Variants in PGM1 observed in about 807,000 individuals in gnomAD.
PGM1 encodes phosphoglucomutase 1.
PGM1 carries 52 observed loss-of-function variants against 55.6 expected under a neutral mutation model. That is an observed-to-expected ratio of 0.94 (90% CI 0.75 to 1.18). PGM1 has a LOEUF of 1.18. Among genes scored for constraint, PGM1 ranks in the 50% most tolerant of loss-of-function variants. The pLI is 0.00. For missense variants in PGM1, 724 were observed against 729.3 expected (o/e 0.99, Z 0.08); for synonymous variants, 287 against 271.7 (o/e 1.06, Z -0.55).
chr1:63,657,838 A>G (rs1650006652), intron 10 of PGM1, among the ~76,000 whole-genome samples: 1 of 152,258 alleles, frequency 6.6e-6, no homozygotes, highest in South Asian at 2.1e-4. Context: ...AGGCATCCCT[A>G]AAACTTCAAC....
At chr1:63,605,267 C>T (rs1013277682) in intron 1 of PGM1, among the ~76,000 whole-genome samples, 1 of 152,152 alleles carries the variant, frequency 6.6e-6, no homozygotes, top group African/African-American at 2.4e-5. Flanking sequence ...CTTTTGCAGG[C>T]CAGGCTCCTG....
At chr1:63,631,546 T>C (rs1046626900) in intron 3 of PGM1, 111 bp from the exon 4 acceptor site, 66 of 974,850 alleles carry the variant, frequency 6.8e-5, no homozygotes, top group Non-Finnish European at 1.0e-4. Context: ...TGTTCAATAA[T>C]TGTCCTTTTA....
chr1:63,622,787 A>T (rs964076094), intron 1 of PGM1, among the ~76,000 whole-genome samples: 2 of 152,168 alleles, frequency 1.3e-5, no homozygotes, highest in South Asian at 2.1e-4. Context: ...TTTTTTCCTG[A>T]TAGATTGCAT....
In PGM1 at chr1:63,631,577, C is replaced by T. The variant is rs935487003; in HGVS notation, c.557-80C>T. On this transcript the variant is annotated intron_variant, in intron 3 of 10. Transcript: ENST00000371084. ...TTTTAAAATAGCAATAGCAGGTTTA[C>T]AGCAATATAGTCACATCAGAATATA... 2.9e-6 allele frequency: 4 copies of T among 1,363,628 alleles called. No individual in the cohort carries two copies. The African/African-American group carries it at 5.7e-5, about 19-fold the overall frequency. The allele number at this position is 1,363,628 out of a possible 1,614,324, so 84.5% of individuals were successfully genotyped here. A position where few individuals can be genotyped will look rare whatever the true frequency, so the allele number is the denominator to read the frequency against.
intron 1 of PGM1, among the ~76,000 whole-genome samples, chr1:63,614,233 AT>A (rs1347719960): frequency 6.6e-6 from 1 of 152,220 alleles, no homozygotes; most frequent in East Asian, 1.9e-4. Context: ...TTCGCCCAAG[AT>A]CTCCAAGATA....
chr1:63,653,663 GA>G (rs1336465037), intron 9 of PGM1, among the ~76,000 whole-genome samples: 1 of 152,168 alleles, frequency 6.6e-6, no homozygotes. Flanking sequence ...CCCCAAGTGA[GA>G]AGATAATTGA....
chr1:63,608,173 G>C (rs370507461), intron 1 of PGM1, among the ~76,000 whole-genome samples: 1 of 152,226 alleles, frequency 6.6e-6, no homozygotes, highest in Non-Finnish European at 1.5e-5. Context: ...GGGAGTTACT[G>C]TATTTTATAC....
rs1364211156 is a variant in PGM1, at chr1:63,593,613, G to GT, written c.126dup (p.Ile43TyrfsTer62). ...AACTACGCGGAGAACTTCATCCAGAGTATCATCTCCACCGTGGAGCCGGCG... is the reference window on the plus strand; with the variant it reads ...AACTACGCGGAGAACTTCATCCAGAGTTATCATCTCCACCGTGGAGCCGGCG... On this transcript the variant is annotated frameshift_variant, in exon 1 of 11. Transcript: ENST00000371084. LOFTEE classifies it high-confidence loss of function. 1.2e-6 allele frequency: 2 copies of GT among 1,613,202 alleles called. No homozygotes were observed. Among genetic ancestry groups the GT allele is most frequent in the African/African-American group, 2.7e-5 (2 of 74,936 alleles).
chr1:63,629,498 A>G lies in PGM1; in HGVS notation c.320A>G (p.Lys107Arg), dbSNP rs1042735768. Reference protein sequence around the residue: ...PAVSCIIRKIKAIGGIILTAS... With the variant: ...PAVSCIIRKIRAIGGIILTAS... Reference sequence around the variant, plus strand: ...GTATCCTGCATCATTAGAAAAATCAAAGCCATTGGTGGGATCATTCTGACA... The same window carrying G: ...GTATCCTGCATCATTAGAAAAATCAGAGCCATTGGTGGGATCATTCTGACA... Residue 107 changes from lysine (K) to arginine (R), a missense_variant, in exon 2 of 11, where the codon AAA becomes AGA. This residue lies in a region of PGM1 where 379 missense variants were observed against 357.5 expected (regional missense o/e 1.06). Transcript: ENST00000371084. The G allele has an allele frequency of 6.2e-7, 1 of 1,613,728 alleles. No individual in the cohort carries two copies. Among genetic ancestry groups the G allele is most frequent in the African/African-American group, 1.3e-5 (1 of 74,890 alleles).
At chr1:63,623,345 C>G in intron 1 of PGM1, 1 of 1,510,832 alleles carries the variant, frequency 6.6e-7, no homozygotes, top group Non-Finnish European at 8.8e-7. Flanking sequence ...CCATGCAAAC[C>G]CTCTATTTTA....
intron 10 of PGM1, chr1:63,655,990 T>C (rs1224068856): frequency 6.6e-6 from 1 of 152,014 alleles, no homozygotes. Flanking sequence ...AGTAGTGGGA[T>C]TGCACCTGTG....
At chr1:63,640,944 G>C (rs1369557559) in intron 7 of PGM1, among the ~76,000 whole-genome samples, 2 of 152,184 alleles carry the variant, frequency 1.3e-5, no homozygotes, top group African/African-American at 4.8e-5. Flanking sequence ...ATTATTTCTA[G>C]TGATTAGGAC....
intron 7 of PGM1, among the ~76,000 whole-genome samples, chr1:63,647,107 G>A (rs111360698): frequency 6.6e-6 from 1 of 151,658 alleles, no homozygotes; most frequent in South Asian, 2.1e-4. Flanking sequence ...GCTGAGCATG[G>A]TGGCGGGCAC....
chr1:63,652,308 G>A (rs894857872), intron 9 of PGM1, among the ~76,000 whole-genome samples: 12 of 152,306 alleles, frequency 7.9e-5, no homozygotes, highest in African/African-American at 2.9e-4. Context: ...AATTTCTAAA[G>A]GAGAGAAAAA....
At chr1:63,637,736 C>G (rs1051470442) in intron 6 of PGM1, among the ~76,000 whole-genome samples, 1 of 152,192 alleles carries the variant, frequency 6.6e-6, no homozygotes, top group Non-Finnish European at 1.5e-5. Flanking sequence ...CCTGGAATAC[C>G]TTCTATGTCA....
chr1:63,658,210 A>G (rs1037191101), intron 10 of PGM1, among the ~76,000 whole-genome samples: 1 of 152,192 alleles, frequency 6.6e-6, no homozygotes, highest in African/African-American at 2.4e-5. Context: ...GGAGATTTAG[A>G]TAAGAAAAAG....
At chr1:63,612,716 A>C (rs551057949) in intron 1 of PGM1, among the ~76,000 whole-genome samples, 1 of 152,098 alleles carries the variant, frequency 6.6e-6, no homozygotes, top group African/African-American at 2.4e-5. Flanking sequence ...TACTTCCTTC[A>C]CTATTGCAGT....
chr1:63,612,418 T>C (rs958864089), intron 1 of PGM1, among the ~76,000 whole-genome samples: 3 of 152,210 alleles, frequency 2.0e-5, no homozygotes, highest in Non-Finnish European at 4.4e-5. Flanking sequence ...GATTGATATA[T>C]AGTTCACTAA....
At chr1:63,632,693 T>C (rs1420067161) in intron 4 of PGM1, among the ~76,000 whole-genome samples, 1 of 152,166 alleles carries the variant, frequency 6.6e-6, no homozygotes, top group Admixed American at 6.5e-5. Context: ...GAATGTGCAA[T>C]GTTTGGGGAG....
Sources: allele counts gnomAD v4.1 joint callset (sites outside exome capture counted in the v4.1 genomes callset), GRCh38; gene constraint gnomAD v4.1.1; regional missense constraint gnomAD v4.1.1; transcripts MANE v1.5; gene names NCBI Gene and HGNC (gene_info 2026-07-23, HGNC 2026-07-21).